The following SLC9A8 variants were observed in gnomAD, a reference collection of about 807,000 sequenced individuals.
The protein encoded by SLC9A8 is sodium/hydrogen exchanger 8.
SLC9A8 carries 48 observed loss-of-function variants against 66.6 expected under a neutral mutation model. The observed-to-expected ratio is 0.72, with a 90% confidence interval of 0.57 to 0.92. SLC9A8 has a LOEUF of 0.92. Among genes scored for constraint, SLC9A8 ranks in the 40% least tolerant of loss-of-function variants. The pLI is 0.00. For missense variants in SLC9A8, 599 were observed against 747.3 expected (o/e 0.80, Z 2.31); for synonymous variants, 274 against 282.6 (o/e 0.97, Z 0.31).
chr20:49,868,650 T>C (rs2089072530), intron 10 of SLC9A8, among the ~76,000 whole-genome samples: 1 of 152,232 alleles, frequency 6.6e-6, no homozygotes, highest in East Asian at 1.9e-4. Flanking sequence ...ACAGACAGAC[T>C]TGGATTTGAA....
In SLC9A8 at chr20:49,883,925, C is replaced by G. The variant is rs1378619498; in HGVS notation, c.1350C>G (p.Thr450=). Residue 450 remains threonine, a synonymous_variant, in exon 14 of 16, where the codon ACC becomes ACG. Coordinates refer to ENST00000361573, the MANE Select transcript of SLC9A8 (RefSeq NM_015266.3). ...TGGAGAAGCGGCAGCTCATCGGCAC[C>G]ACCACCATCGTCATCGTGCTCTTCA... is the stretch of plus-strand genomic sequence containing the variant. ...EPMEKRQLIG[T]TTIVIVLFTI... is the part of the protein sequence containing the mutation. 2.5e-6 allele frequency: 4 copies of G among 1,612,048 alleles called. No homozygotes were observed. The highest frequency in any genetic ancestry group is 3.4e-6 in the Non-Finnish European group (4 of 1,179,996).
chr20:49,846,364 GGA>G, intron 5 of SLC9A8, among the ~76,000 whole-genome samples: 1 of 151,932 alleles, frequency 6.6e-6, no homozygotes, highest in Middle Eastern at 3.4e-3. Context: ...GCCAGTCCTT[GGA>G]GAGAGGAAAG....
intron 3 of SLC9A8, chr20:49,830,354 G>A: frequency 1.1e-6 from 1 of 897,952 alleles, no homozygotes; most frequent in Non-Finnish European, 1.9e-6. Context: ...TCTAGGAGGG[G>A]GCCCGCCTGG....
chr20:49,843,296 A>AT (rs1244750060), intron 4 of SLC9A8, among the ~76,000 whole-genome samples: 1 of 151,690 alleles, frequency 6.6e-6, no homozygotes, highest in Non-Finnish European at 1.5e-5. Context: ...AGCTCGGCTC[A>AT]TTTTTTTTCA....
intron 2 of SLC9A8, among the ~76,000 whole-genome samples, chr20:49,816,427 A>AG (rs1352190372): frequency 6.6e-6 from 1 of 152,074 alleles, no homozygotes; most frequent in Non-Finnish European, 1.5e-5. Context: ...CTTAAAAAAA[A>AG]AAAACAAAAA....
At chr20:49,814,299 C>A (rs2086466752) in intron 1 of SLC9A8, among the ~76,000 whole-genome samples, 1 of 152,178 alleles carries the variant, frequency 6.6e-6, no homozygotes, top group African/African-American at 2.4e-5. Context: ...TAATCATACC[C>A]AATCAGACAT....
At chr20:49,845,836 T>G (rs1029431383) in intron 5 of SLC9A8, among the ~76,000 whole-genome samples, 1 of 152,064 alleles carries the variant, frequency 6.6e-6, no homozygotes, top group African/African-American at 2.4e-5. Context: ...TGTTTTTTTT[T>G]TTGTTTTGTT....
chr20:49,864,335 G>A (rs935696849), intron 9 of SLC9A8, among the ~76,000 whole-genome samples: 1 of 152,190 alleles, frequency 6.6e-6, no homozygotes, highest in African/African-American at 2.4e-5. Flanking sequence ...CTCATCCGAT[G>A]TTGTTGGAGG....
At chr20:49,861,238 G>A (rs1457505308) in intron 8 of SLC9A8, among the ~76,000 whole-genome samples, 4 of 152,180 alleles carry the variant, frequency 2.6e-5, no homozygotes, top group African/African-American at 9.7e-5. Context: ...TTCTGAACAG[G>A]CTGGTAACCT....
chr20:49,821,974 C>T (rs2086754930), intron 2 of SLC9A8, among the ~76,000 whole-genome samples: 1 of 152,162 alleles, frequency 6.6e-6, no homozygotes, highest in South Asian at 2.1e-4. Context: ...TGACTCAATA[C>T]TGCAGCACCT....
At chr20:49,824,584 C>T (rs2086850586) in intron 3 of SLC9A8, among the ~76,000 whole-genome samples, 1 of 152,104 alleles carries the variant, frequency 6.6e-6, no homozygotes, top group African/African-American at 2.4e-5. Flanking sequence ...AATGATAATT[C>T]TTATAATTTC....
intron 10 of SLC9A8, among the ~76,000 whole-genome samples, chr20:49,866,700 A>G (rs554775691): frequency 5.3e-5 from 8 of 151,946 alleles, no homozygotes; most frequent in Non-Finnish European, 1.0e-4. Flanking sequence ...TTCTTTATCA[A>G]TATTTTTTTG....
chr20:49,857,568 AT>A (rs913984127), intron 8 of SLC9A8, among the ~76,000 whole-genome samples: 2 of 152,148 alleles, frequency 1.3e-5, no homozygotes, highest in Non-Finnish European at 2.9e-5. Flanking sequence ...AAATACAAAG[AT>A]TAGCCAGGTG....
At position 49,855,484 on chromosome 20, in the gene SLC9A8, A is replaced by G; in HGVS notation, c.616A>G (p.Ile206Val). Residue 206 changes from isoleucine (I) to valine (V), a missense_variant, in exon 8 of 16, where the codon ATT (isoleucine) becomes GTT (valine). Around this residue, in one of 2 missense-constraint regions of SLC9A8, gnomAD observed 467 missense variants for 626.5 expected, o/e 0.75. Transcript: ENST00000361573. ...ATCTGCTGTCGATCCAGTGGCCACTATTGCCATTTTCAATGCACTTCATGT... is the reference window on the plus strand; with the variant it reads ...ATCTGCTGTCGATCCAGTGGCCACTGTTGCCATTTTCAATGCACTTCATGT... ...LISAVDPVAT[I>V]AIFNALHVDP... The G allele has an allele frequency of 2.5e-6, 4 of 1,614,082 alleles. No homozygotes were observed. The highest frequency in any genetic ancestry group is 3.4e-6 in the Non-Finnish European group (4 of 1,179,988).
intron 3 of SLC9A8, among the ~76,000 whole-genome samples, chr20:49,824,895 G>A (rs2086861400): frequency 6.6e-6 from 1 of 152,106 alleles, no homozygotes; most frequent in Admixed American, 6.5e-5. Context: ...ACCCAGTTCT[G>A]GCCAGTGACA....
chr20:49,874,854 C>A, intron 11 of SLC9A8, 33 bp downstream of exon 11: 1 of 1,399,928 alleles, frequency 7.1e-7, no homozygotes, highest in Non-Finnish European at 1.0e-6. Context: ...CGTGAGCAGG[C>A]CCACCCAGAG....
intron 5 of SLC9A8, among the ~76,000 whole-genome samples, chr20:49,848,028 C>T (rs1337433294): frequency 1.4e-5 from 2 of 146,602 alleles, no homozygotes; most frequent in Non-Finnish European, 3.0e-5. Flanking sequence ...TGGGTTCAAG[C>T]GATTCTCCTG....
intron 3 of SLC9A8, among the ~76,000 whole-genome samples, chr20:49,824,117 T>C (rs2086837494): frequency 6.6e-6 from 1 of 152,224 alleles, no homozygotes; most frequent in Non-Finnish European, 1.5e-5. Context: ...ACTTCAGTAC[T>C]AAGTGCCAGA....
At position 49,867,784 on chromosome 20, in the gene SLC9A8, GT is replaced by G. The variant is rs145204595; in HGVS notation, c.958+2942del. On this transcript the variant is annotated intron_variant, in intron 10 of 15. Coordinates refer to ENST00000361573, the MANE Select transcript of SLC9A8 (RefSeq NM_015266.3). ...TTCATATCTTGTATCAGGTTTTCTAGTTATGTAGAGCAGGACAGTGTTCTGT... is the reference window on the plus strand; with the variant it reads ...TTCATATCTTGTATCAGGTTTTCTAGTATGTAGAGCAGGACAGTGTTCTGT... 7.1e-3 allele frequency among the ~76,000 whole-genome samples: 1,076 copies of G among 152,288 alleles called. 9 individuals carry two copies. The highest frequency in any genetic ancestry group is 0.021 in the African/African-American group (893 of 41,546).
Sources: allele counts gnomAD v4.1 joint callset (sites outside exome capture counted in the v4.1 genomes callset), GRCh38; gene constraint gnomAD v4.1.1; regional missense constraint gnomAD v4.1.1; transcripts MANE v1.5; gene names NCBI Gene and HGNC (gene_info 2026-07-23, HGNC 2026-07-21).